RRBP1: variants seen among roughly 807,000 people sequenced by gnomAD.
RRBP1 encodes the protein ribosome binding protein 1, also known as ribosome-binding protein 1.
In RRBP1, 94 loss-of-function variants were observed where a neutral mutation model predicts 165.2. The observed-to-expected ratio is 0.57, with a 90% CI of 0.48 to 0.68. The LOEUF (loss-of-function observed/expected upper bound fraction) is 0.68, where lower values mean the gene tolerates loss of function less well. Ranked by LOEUF, RRBP1 falls within the 30% of genes least tolerant of loss-of-function variation. The pLI, the probability that RRBP1 is intolerant of heterozygous loss-of-function variation, is 0.00. For synonymous variants in RRBP1, 680 were observed against 714.5 expected (o/e 0.95, Z 0.77); for missense variants, 1,676 against 1,763.0 (o/e 0.95, Z 0.88).
At position 17,641,559 on chromosome 20, in the gene RRBP1, T is replaced by G. The variant is rs2036359089; in HGVS notation, c.2184+238A>C. The G allele has an allele frequency of 5.2e-6, 3 of 579,256 alleles. No homozygotes were observed. In the East Asian group the frequency reaches 8.7e-5, roughly 17 times the overall value. 35.9% of individuals were successfully genotyped at this position (579,256 alleles called of 1,614,324 possible). The stretch of plus-strand genomic sequence containing the variant: ...AAACCCTTGCTTCACTTCCCTGCGT[T>G]CTTACAGCCACGAAGGAAGCCACCA... On this transcript the variant is annotated intron_variant, in intron 5 of 24. Coordinates refer to ENST00000377813, the MANE Select transcript of RRBP1 (RefSeq NM_001365613.2).
At chr20:17,628,999 C>G (rs937047298) in intron 9 of RRBP1, among the ~76,000 whole-genome samples, 1 of 151,584 alleles carries the variant, frequency 6.6e-6, no homozygotes, top group African/African-American at 2.4e-5. Flanking sequence ...ACAGTTCACC[C>G]GGTGTTAACG....
chr20:17,645,335 T>C (rs2036445127), intron 3 of RRBP1, among the ~76,000 whole-genome samples: 1 of 152,232 alleles, frequency 6.6e-6, no homozygotes, highest in African/African-American at 2.4e-5. Flanking sequence ...ATTAAAACTT[T>C]CTAACGTAAT....
At chr20:17,680,121 G>T (rs1396559565) in intron 1 of RRBP1, 46 bp from the exon 2 acceptor site, 3 of 152,212 alleles carry the variant, frequency 2.0e-5, no homozygotes, top group Non-Finnish European at 4.4e-5. Context: ...GTGACCTTTG[G>T]CAAGTTCGTA....
intron 8 of RRBP1, among the ~76,000 whole-genome samples, chr20:17,631,543 A>G (rs1252958778): frequency 1.3e-5 from 2 of 152,278 alleles, no homozygotes; most frequent in Non-Finnish European, 2.9e-5. Flanking sequence ...TGTTGTTAGC[A>G]CAGCCAATCA....
intron 3 of RRBP1, among the ~76,000 whole-genome samples, chr20:17,651,328 G>C (rs1238967466): frequency 1.3e-5 from 2 of 152,188 alleles, no homozygotes; most frequent in African/African-American, 4.8e-5. Context: ...AAGCAATGCA[G>C]CACTGTCTTC....
At chr20:17,674,066 C>A (rs1282048632) in intron 2 of RRBP1, among the ~76,000 whole-genome samples, 1 of 152,132 alleles carries the variant, frequency 6.6e-6, no homozygotes, top group Non-Finnish European at 1.5e-5. Flanking sequence ...TAATTAAAAA[C>A]CAATTTAATG....
chr20:17,642,632 G>T (rs1021711421), intron 4 of RRBP1, among the ~76,000 whole-genome samples: 2 of 152,084 alleles, frequency 1.3e-5, no homozygotes, highest in African/African-American at 4.8e-5. Context: ...GGAAACCAGG[G>T]GCGCTCCTGG....
intron 2 of RRBP1, among the ~76,000 whole-genome samples, chr20:17,662,930 C>T (rs2036793037): frequency 6.6e-6 from 1 of 152,062 alleles, no homozygotes; most frequent in Admixed American, 6.5e-5. Context: ...GATCTTAGCA[C>T]CTTGGGAAGC....
rs553685533 is a variant in RRBP1, at chr20:17,621,124, G to A, written c.3415-317C>T. 3.3e-5 allele frequency among the ~76,000 whole-genome samples: 5 copies of A among 152,296 alleles called. No homozygotes were observed. In the South Asian group the frequency reaches 1.0e-3, roughly 32 times the overall value. On this transcript the variant is annotated intron_variant, in intron 16 of 24. Transcript: ENST00000377813. The stretch of plus-strand genomic sequence containing the variant: ...TGGCCCAGGACGAGGAGCACAGGAT[G>A]GGCTGGCCAGAGAGTGGCAGGGCTA...
rs996531769 is a variant in RRBP1, at chr20:17,621,869, C to G, written c.3226G>C (p.Val1076Leu). 6.2e-7 allele frequency: 1 copy of G among 1,613,792 alleles called. No individual in the cohort carries two copies. The highest frequency in any genetic ancestry group is 8.5e-7 in the Non-Finnish European group (1 of 1,180,000). The change falls in exon 14 of 25, where the codon GTC becomes CTC. Residue 1076 changes from valine to leucine, a missense_variant. This residue lies in a region of RRBP1 where 1,184 missense variants were observed against 1,167.1 expected (regional missense o/e 1.01). Transcript: ENST00000377813. Reference protein sequence around the residue: ...ALLALLPELSVLAQQNYTEWL... With the variant: ...ALLALLPELSLLAQQNYTEWL... ...TCCCCTCCTACCTGTTGTGCCAAGACAGAGAGTTCTGGGAGCAGAGCCAGC... is the reference window on the plus strand; with the variant it reads ...TCCCCTCCTACCTGTTGTGCCAAGAGAGAGAGTTCTGGGAGCAGAGCCAGC...
chr20:17,620,556 A>G, intron 17 of RRBP1, 159 bp downstream of exon 17: 1 of 796,474 alleles, frequency 1.3e-6, no homozygotes, highest in Non-Finnish European at 2.1e-6. Flanking sequence ...CTCCTGGAGG[A>G]CGGACTGAGC....
chr20:17,654,891 T>C (rs909264579), intron 3 of RRBP1, among the ~76,000 whole-genome samples: 1 of 152,256 alleles, frequency 6.6e-6, no homozygotes, highest in African/African-American at 2.4e-5. Context: ...CTTCCAGGGA[T>C]CTTTCTCAGT....
At position 17,614,030 on chromosome 20, in the gene RRBP1, G is replaced by GT; in HGVS notation, c.*151dup. 1 of 734,924 alleles carries GT rather than the reference G, an allele frequency of 1.4e-6. No individual in the cohort carries two copies. The highest frequency in any genetic ancestry group is 2.4e-6 in the Non-Finnish European group (1 of 413,590). The allele number at this position is 734,924 out of a possible 1,614,324, so 45.5% of individuals were successfully genotyped here. A position where few individuals can be genotyped will look rare whatever the true frequency, so the allele number is the denominator to read the frequency against. Reference sequence around the variant, plus strand: ...CTGGGGCTCTGGAAGGTCTACTTCTGTGGCTCTAAGAGACTTGTCTCTCAT... The same window carrying GT: ...CTGGGGCTCTGGAAGGTCTACTTCTGTTGGCTCTAAGAGACTTGTCTCTCAT... On this transcript the variant is annotated 3_prime_UTR_variant, in exon 25 of 25. Transcript: ENST00000377813.
rs1398012955 is a variant in RRBP1 at position 17,616,811 on chromosome 20, CTCT to C, written c.3785_3787del (p.Lys1262del). ...AGCTATGTCACCATCCTCTACGTGGCTCTTCATTTCACTCAACTGCTGCCTGAC... is the reference window on the plus strand; with the variant it reads ...AGCTATGTCACCATCCTCTACGTGGCTCATTTCACTCAACTGCTGCCTGAC... On this transcript the variant is annotated inframe_deletion, in exon 21 of 25. Transcript: ENST00000377813. 7 of 1,613,330 alleles carry C rather than the reference CTCT, an allele frequency of 4.3e-6. No individual in the cohort carries two copies. The South Asian group carries it at 7.7e-5, about 18-fold the overall frequency.
At chr20:17,655,173 GCTTT>G (rs1488056912) in intron 3 of RRBP1, among the ~76,000 whole-genome samples, 1 of 152,140 alleles carries the variant, frequency 6.6e-6, no homozygotes, top group Non-Finnish European at 1.5e-5. Flanking sequence ...CTTCAGCGTT[GCTTT>G]CTGACTTTTA....
At chr20:17,677,696 G>A (rs184882779) in intron 2 of RRBP1, among the ~76,000 whole-genome samples, 23 of 152,210 alleles carry the variant, frequency 1.5e-4, no homozygotes, top group East Asian at 1.2e-3. Flanking sequence ...AAAATTAGCC[G>A]GGTGTGGTGG....
intron 3 of RRBP1, among the ~76,000 whole-genome samples, chr20:17,654,528 A>G (rs2036613630): frequency 6.6e-6 from 1 of 152,186 alleles, no homozygotes; most frequent in Non-Finnish European, 1.5e-5. Flanking sequence ...CTTACCACTC[A>G]ATCACGTGTG....
intron 8 of RRBP1, among the ~76,000 whole-genome samples, chr20:17,630,483 A>T (rs1568762053): frequency 6.6e-6 from 1 of 152,204 alleles, no homozygotes; most frequent in Non-Finnish European, 1.5e-5. Flanking sequence ...TTACCTACAA[A>T]AATGGCAATT....
chr20:17,647,295 G>A (rs1007680716), intron 3 of RRBP1, among the ~76,000 whole-genome samples: 1 of 152,260 alleles, frequency 6.6e-6, no homozygotes, highest in Non-Finnish European at 1.5e-5. Context: ...GGGACCTGGA[G>A]AACAATTGTG....
Sources: allele counts gnomAD v4.1 joint callset (sites outside exome capture counted in the v4.1 genomes callset), GRCh38; gene constraint gnomAD v4.1.1; regional missense constraint gnomAD v4.1.1; transcripts MANE v1.5; gene names NCBI Gene and HGNC (gene_info 2026-07-23, HGNC 2026-07-21).